Variants in GLO1 observed in about 807,000 individuals in gnomAD.
GLO1 encodes lactoylglutathione lyase.
Under a neutral mutation model 26.0 loss-of-function variants are expected in GLO1, and 28 were observed. That is an observed-to-expected ratio of 1.08 (90% CI 0.80 to 1.48). The LOEUF is 1.48. GLO1 is among the 40% of genes most tolerant of loss of function. The pLI is 0.00. For synonymous variants in GLO1, 78 were observed against 77.6 expected (o/e 1.00, Z -0.03); for missense variants, 225 against 224.8 (o/e 1.00, Z -0.01).
At position 38,692,772 on chromosome 6, in the gene GLO1, T is replaced by C. The variant is rs187526015; in HGVS notation, c.85-5798A>G. Among the ~76,000 whole-genome samples the C allele has an allele frequency of 1.0e-3, 158 of 151,782 alleles. 1 individual carries two copies. The East Asian group carries it at 0.012, about 11-fold the overall frequency. ...GTTGAATTTTGTCAAATGCCTTTTC[T>C]GTACCAACTGATATGATCATGTGAT... On this transcript the variant is annotated intron_variant, in intron 1 of 5. Transcript: ENST00000373365.
chr6:38,692,380 G>C (rs1258749464), intron 1 of GLO1, among the ~76,000 whole-genome samples: 1 of 152,154 alleles, frequency 6.6e-6, no homozygotes, highest in Non-Finnish European at 1.5e-5. Flanking sequence ...ATTTCTGTAT[G>C]TTTATTTTGT....
At chr6:38,684,150 A>G (rs1761429115) in intron 3 of GLO1, among the ~76,000 whole-genome samples, 1 of 152,134 alleles carries the variant, frequency 6.6e-6, no homozygotes, top group South Asian at 2.1e-4. Flanking sequence ...CCTAGAAGTT[A>G]GAGGCTTCAG....
At position 38,676,294 on chromosome 6, in the gene GLO1, C is replaced by T. The variant is rs1373819117; in HGVS notation, c.*1001G>A. 1.3e-5 allele frequency: 2 copies of T among 152,070 alleles called. No homozygotes were observed. The highest frequency in any genetic ancestry group is 2.9e-5 in the Non-Finnish European group (2 of 68,008). The allele number at this position is 152,070 out of a possible 1,614,324, so 9.4% of individuals were successfully genotyped here. The stretch of plus-strand genomic sequence containing the variant: ...ATATGGCTACTGGCATCATGAAGAC[C>T]TTGGGATAGGGAAGACTCTTTATGA... On this transcript the variant is annotated 3_prime_UTR_variant, in exon 6 of 6. Transcript: ENST00000373365.
rs774701700 is a variant in GLO1 at position 38,682,854 on chromosome 6, A to G, written c.330T>C (p.Asp110=). ...ELTHNWGTED[D]ETQSYHNGNS... ...TGCCATTGTGGTAACTCTGGGTCTCATCATCTTCAGTGCCCCAATTGCTAC... is the reference window on the plus strand; with the variant it reads ...TGCCATTGTGGTAACTCTGGGTCTCGTCATCTTCAGTGCCCCAATTGCTAC... Residue 110 remains aspartate, a synonymous_variant, in exon 4 of 6, where the codon GAT becomes GAC. Transcript: ENST00000373365. 3 of 1,597,648 alleles carry G rather than the reference A, an allele frequency of 1.9e-6. No individual in the cohort carries two copies. The highest frequency in any genetic ancestry group is 1.7e-5 in the Admixed American group (1 of 59,984).
chr6:38,680,574 TAAAA>T (rs1473279613), intron 5 of GLO1, among the ~76,000 whole-genome samples: 1 of 151,938 alleles, frequency 6.6e-6, no homozygotes, highest in Non-Finnish European at 1.5e-5. Context: ...GGTATTTAAA[TAAAA>T]GAACAGAAAA....
intron 4 of GLO1, 122 bp downstream of exon 4, chr6:38,682,686 T>G: frequency 2.0e-6 from 1 of 488,902 alleles, no homozygotes; most frequent in Non-Finnish European, 3.7e-6. Flanking sequence ...TAATCATATC[T>G]CTAATAAATT....
At chr6:38,682,683 A>C (rs1761398809) in intron 4 of GLO1, 125 bp downstream of exon 4, 2 of 485,434 alleles carry the variant, frequency 4.1e-6, no homozygotes, top group East Asian at 3.2e-5. Context: ...AAATAATCAT[A>C]TCTCTAATAA....
chr6:38,679,079 A>G (rs186384277), intron 5 of GLO1, among the ~76,000 whole-genome samples: 75 of 152,314 alleles, frequency 4.9e-4, no homozygotes, highest in Non-Finnish European at 9.6e-4. Flanking sequence ...TGGACTGTAG[A>G]TTCAAACAGA....
At chr6:38,696,924 T>G (rs1761619795) in intron 1 of GLO1, among the ~76,000 whole-genome samples, 2 of 151,260 alleles carry the variant, frequency 1.3e-5, no homozygotes, top group African/African-American at 4.9e-5. Flanking sequence ...CTTCTTCTTT[T>G]TTTTTTTTTT....
In GLO1 at chr6:38,697,498, C is replaced by T. The variant is rs539918338; in HGVS notation, c.84+5473G>A. Among the ~76,000 whole-genome samples, 13 of 152,314 alleles carry T rather than the reference C, an allele frequency of 8.5e-5. 1 individual carries two copies. The highest frequency in any genetic ancestry group is 1.8e-4 in the Non-Finnish European group (12 of 68,028). On this transcript the variant is annotated intron_variant, in intron 1 of 5. Coordinates refer to ENST00000373365, the MANE Select transcript of GLO1 (RefSeq NM_006708.3). ...TCTAGTAGCAACTCCATAGGCAGAA[C>T]TTCTAGAATTTCCACAAGGGACAGT...
At chr6:38,679,079 A>C (rs186384277) in intron 5 of GLO1, among the ~76,000 whole-genome samples, 1 of 152,314 alleles carries the variant, frequency 6.6e-6, no homozygotes, top group Admixed American at 6.5e-5. Context: ...TGGACTGTAG[A>C]TTCAAACAGA....
chr6:38,698,657 CTTTTTTTT>C (rs34080103), intron 1 of GLO1, among the ~76,000 whole-genome samples: 1 of 110,016 alleles, frequency 9.1e-6, no homozygotes, highest in African/African-American at 3.6e-5. Context: ...AGAACCTGAC[CTTTTTTTT>C]TTTTTTTTTT....
At chr6:38,681,152 C>G (rs1223567635) in intron 5 of GLO1, among the ~76,000 whole-genome samples, 1 of 152,084 alleles carries the variant, frequency 6.6e-6, no homozygotes, top group Non-Finnish European at 1.5e-5. Flanking sequence ...CAACCTCCAC[C>G]TCCCAGGTTC....
chr6:38,679,353 A>G (rs1761331404), intron 5 of GLO1, among the ~76,000 whole-genome samples: 1 of 152,046 alleles, frequency 6.6e-6, no homozygotes. Flanking sequence ...GCTGGAATGC[A>G]ATGGCACAAT....
At chr6:38,680,517 G>A (rs768313080) in intron 5 of GLO1, among the ~76,000 whole-genome samples, 19 of 152,060 alleles carry the variant, frequency 1.2e-4, no homozygotes, top group South Asian at 6.2e-4. Context: ...GCGAAACTCC[G>A]TCTCAAAAAA....
At position 38,698,566 on chromosome 6, in the gene GLO1, C is replaced by A. The variant is rs1194950115; in HGVS notation, c.84+4405G>T. ...AGTGGTGGTAGAAATAATGGCAACA[C>A]TGAGGACATTGTCTACTGTATTAGT... On this transcript the variant is annotated intron_variant, in intron 1 of 5. Coordinates refer to ENST00000373365, the MANE Select transcript of GLO1 (RefSeq NM_006708.3). Among the ~76,000 whole-genome samples the A allele has an allele frequency of 2.0e-5, 3 of 149,222 alleles. No individual in the cohort carries two copies. In the East Asian group the frequency reaches 5.9e-4, roughly 29 times the overall value.
At chr6:38,693,589 T>C (rs1475341049) in intron 1 of GLO1, among the ~76,000 whole-genome samples, 1 of 151,954 alleles carries the variant, frequency 6.6e-6, no homozygotes, top group Admixed American at 6.6e-5. Flanking sequence ...TTTTATAATG[T>C]ATGCAGTCAG....
chr6:38,689,740 C>T (rs1761506039), intron 1 of GLO1, among the ~76,000 whole-genome samples: 1 of 152,042 alleles, frequency 6.6e-6, no homozygotes, highest in Non-Finnish European at 1.5e-5. Flanking sequence ...AGGTCAGGAG[C>T]TCGAGAAACA....
rs1175042486 is a variant in GLO1 at position 38,696,891 on chromosome 6, T to C, written c.84+6080A>G. Among the ~76,000 whole-genome samples the C allele has an allele frequency of 4.6e-5, 7 of 152,038 alleles. No individual in the cohort carries two copies. In the South Asian group the frequency reaches 6.2e-4, roughly 14 times the overall value. On this transcript the variant is annotated intron_variant, in intron 1 of 5. Coordinates refer to ENST00000373365, the MANE Select transcript of GLO1 (RefSeq NM_006708.3). ...GTCTCTCAAATAACTTTCAAAAGTG[T>C]TATATTGCCCCCAACAGAAAGCCTT...
Sources: gnomAD v4.1 joint callset for allele counts (sites outside exome capture counted in the v4.1 genomes callset) on GRCh38, gnomAD v4.1.1 for gene constraint, MANE v1.5 for transcripts, NCBI Gene and HGNC (gene_info 2026-07-23, HGNC 2026-07-21) for gene names.